The following EHBP1 variants were observed in gnomAD, a reference collection of about 807,000 sequenced individuals.
EHBP1 encodes EH domain binding protein 1, also known as EH domain-binding protein 1.
A neutral mutation model predicts 144.0 loss-of-function variants in EHBP1; 55 were observed. That is an observed-to-expected ratio of 0.38 (90% confidence interval 0.31 to 0.48). The LOEUF (loss-of-function observed/expected upper bound fraction) is 0.48, where lower values mean the gene tolerates loss of function less well. Ranked by LOEUF, EHBP1 falls within the 20% of genes least tolerant of loss-of-function variation. EHBP1 has a pLI of 0.98. For missense variants in EHBP1, 1,200 were observed against 1,364.2 expected, an observed-to-expected ratio of 0.88 and a Z score of 1.90; for synonymous variants, 469 against 472.7, an observed-to-expected ratio of 0.99 and a Z score of 0.10.
chr2:62,795,107 A>AC (rs1491501198), intron 5 of EHBP1, among the ~76,000 whole-genome samples: 1 of 152,116 alleles, frequency 6.6e-6, no homozygotes, highest in African/African-American at 2.4e-5. Flanking sequence ...AGAAAAAAAA[A>AC]GGAACTTTTT....
chr2:62,945,147 G>C (rs553488883), intron 12 of EHBP1, among the ~76,000 whole-genome samples: 1 of 152,312 alleles, frequency 6.6e-6, no homozygotes, highest in South Asian at 2.1e-4. Context: ...TGTTGCTGCA[G>C]ATATCTGCAA....
chr2:62,998,595 T>C (rs766065112), intron 19 of EHBP1, among the ~76,000 whole-genome samples: 2 of 152,174 alleles, frequency 1.3e-5, no homozygotes, highest in Non-Finnish European at 2.9e-5. Flanking sequence ...ACTTGGAGCC[T>C]GATTTGTTGA....
chr2:62,700,605 C>T (rs1004389923), intron 1 of EHBP1, among the ~76,000 whole-genome samples: 7 of 152,168 alleles, frequency 4.6e-5, no homozygotes, highest in African/African-American at 1.7e-4. Flanking sequence ...CTCTGTACCC[C>T]TCTGGGTGTC....
chr2:62,707,091 T>C lies in EHBP1; in HGVS notation c.-101T>C, dbSNP rs2034665551. ...TCATTTCGAGTTGTAGTTGAGTTTTTAAAAGACATACATGCAAAGTTCCTT... is the reference window on the plus strand; with the variant it reads ...TCATTTCGAGTTGTAGTTGAGTTTTCAAAAGACATACATGCAAAGTTCCTT... On this transcript the variant is annotated 5_prime_UTR_variant, in exon 2 of 23. Coordinates refer to ENST00000431489, the MANE Select transcript of EHBP1 (RefSeq NM_001142616.3). 1 of 869,026 alleles carries C rather than the reference T, an allele frequency of 1.2e-6. No homozygotes were observed. The highest frequency in any genetic ancestry group is 1.7e-5 in the African/African-American group (1 of 59,992). The allele number at this position is 869,026 out of a possible 1,614,324, so 53.8% of individuals were successfully genotyped here. A position where few individuals can be genotyped will look rare whatever the true frequency, so the allele number is the denominator to read the frequency against.
chr2:62,700,910 C>T (rs2034261816), upstream of EHBP1, among the ~76,000 whole-genome samples: 1 of 152,114 alleles, frequency 6.6e-6, no homozygotes, highest in African/African-American at 2.4e-5. Flanking sequence ...TCTTAAGGGT[C>T]TTGCCACCTC....
At chr2:62,769,521 G>A (rs778116829) in intron 4 of EHBP1, among the ~76,000 whole-genome samples, 26 of 152,062 alleles carry the variant, frequency 1.7e-4, no homozygotes, top group Non-Finnish European at 2.1e-4. Flanking sequence ...ACACAAACAA[G>A]TGGAGAAACA....
chr2:62,774,523 C>G (rs1374752980), intron 5 of EHBP1, among the ~76,000 whole-genome samples: 1 of 152,026 alleles, frequency 6.6e-6, no homozygotes. Context: ...AGATTTTTAA[C>G]CTTTTAAATA....
chr2:62,791,417 G>A (rs1390336276), intron 5 of EHBP1, among the ~76,000 whole-genome samples: 1 of 152,002 alleles, frequency 6.6e-6, no homozygotes, highest in Non-Finnish European at 1.5e-5. Flanking sequence ...CAATGCATGT[G>A]ATTCCCTGCT....
chr2:62,775,239 C>T (rs996479894), intron 5 of EHBP1, among the ~76,000 whole-genome samples: 6 of 152,164 alleles, frequency 3.9e-5, no homozygotes, highest in Non-Finnish European at 1.5e-5. Flanking sequence ...ATATAAACCT[C>T]TCCTAGGTTA....
At chr2:62,733,167 G>A (rs1176517088) in intron 2 of EHBP1, among the ~76,000 whole-genome samples, 1 of 152,144 alleles carries the variant, frequency 6.6e-6, no homozygotes, top group Non-Finnish European at 1.5e-5. Context: ...TTGAAAGCTG[G>A]AAATGATGTA....
intron 19 of EHBP1, among the ~76,000 whole-genome samples, chr2:62,998,100 G>A (rs2059713434): frequency 6.6e-6 from 1 of 152,142 alleles, no homozygotes; most frequent in Admixed American, 6.5e-5. Context: ...GACAGGCATA[G>A]GAAATGTTTA....
At chr2:62,979,617 C>T (rs1481364886) in intron 15 of EHBP1, among the ~76,000 whole-genome samples, 1 of 152,132 alleles carries the variant, frequency 6.6e-6, no homozygotes, top group Non-Finnish European at 1.5e-5. Flanking sequence ...CCCCATGATT[C>T]CTCATTAATA....
chr2:62,706,845 C>G (rs548583605), intron 1 of EHBP1, 52 bp from the exon 2 acceptor site: 2 of 215,168 alleles, frequency 9.3e-6, no homozygotes, highest in African/African-American at 2.3e-5. Flanking sequence ...AGTCATTTCT[C>G]ATGATTCTCT....
chr2:62,903,201 T>A (rs1347992412), intron 10 of EHBP1, among the ~76,000 whole-genome samples: 1 of 152,234 alleles, frequency 6.6e-6, no homozygotes. Flanking sequence ...GAAATTGTTA[T>A]GTCTATTCAC....
chr2:62,966,683 A>T (rs1255979763), intron 14 of EHBP1, among the ~76,000 whole-genome samples: 1 of 152,168 alleles, frequency 6.6e-6, no homozygotes, highest in Non-Finnish European at 1.5e-5. Context: ...CTTTTATAAG[A>T]TACATTTGAT....
chr2:62,820,737 AATATATATATATATATATAT>A (rs57039974), intron 5 of EHBP1, among the ~76,000 whole-genome samples: 41 of 54,642 alleles, frequency 7.5e-4, no homozygotes, highest in South Asian at 4.6e-3. Flanking sequence ...GTGTGTGTAT[AATATATATATATATATATAT>A]ATATATATAT....
At chr2:62,857,618 G>A (rs911378734) in intron 7 of EHBP1, among the ~76,000 whole-genome samples, 12 of 152,132 alleles carry the variant, frequency 7.9e-5, no homozygotes, top group Middle Eastern at 3.4e-3. Flanking sequence ...TTCCTAGGTT[G>A]TAACTTTGGA....
At chr2:62,954,252 G>C (rs988972465) in intron 13 of EHBP1, among the ~76,000 whole-genome samples, 17 of 152,164 alleles carry the variant, frequency 1.1e-4, no homozygotes, top group African/African-American at 3.9e-4. Flanking sequence ...TTATTAGTGG[G>C]AGAGGGATTA....
intron 5 of EHBP1, among the ~76,000 whole-genome samples, chr2:62,803,284 C>G (rs151274099): frequency 5.9e-5 from 9 of 151,544 alleles, no homozygotes; most frequent in African/African-American, 1.9e-4. Context: ...TTCCCAGATA[C>G]TGGAATAGAT....
Sources: gnomAD v4.1 joint callset for allele counts (sites outside exome capture counted in the v4.1 genomes callset) on GRCh38, gnomAD v4.1.1 for gene constraint, MANE v1.5 for transcripts, NCBI Gene and HGNC (gene_info 2026-07-23, HGNC 2026-07-21) for gene names.